Variants in ALK observed in about 807,000 individuals in gnomAD.
ALK encodes ALK receptor tyrosine kinase, also known as ALK tyrosine kinase receptor.
In ALK, 74 loss-of-function variants were observed where a neutral mutation model predicts 163.1. That is an observed-to-expected ratio of 0.45 (90% CI 0.38 to 0.55). The LOEUF (loss-of-function observed/expected upper bound fraction) is 0.55. ALK is among the 20% of genes least tolerant of loss of function. The pLI, the probability that ALK is intolerant of heterozygous loss-of-function variation, is 0.00. For synonymous variants in ALK, 960 were observed against 843.2 expected, an observed-to-expected ratio of 1.14 and a Z score of -2.40; for missense variants, 2,063 against 2,105.3, an observed-to-expected ratio of 0.98 and a Z score of 0.39.
Position 29,919,909 on chromosome 2 carries a change from G to A in ALK, c.667+84C>T. 6 of 1,507,894 alleles carry A rather than the reference G, an allele frequency of 4.0e-6. No homozygotes were observed. The South Asian group carries it at 6.2e-5, about 16-fold the overall frequency. The allele number at this position is 1,507,894 out of a possible 1,614,324, so 93.4% of individuals were successfully genotyped here. A position where few individuals can be genotyped will look rare whatever the true frequency, so the allele number is the denominator to read the frequency against. ...CAGAGCTGAGGTTTTAGAAAGTGGGGTGGAAGTGAAGATTATTTAATGGTT... is the reference window on the plus strand; with the variant it reads ...CAGAGCTGAGGTTTTAGAAAGTGGGATGGAAGTGAAGATTATTTAATGGTT... On this transcript the variant is annotated intron_variant, in intron 1 of 28. Coordinates refer to ENST00000389048, the MANE Select transcript of ALK (RefSeq NM_004304.5).
At chr2:29,199,803 AATG>A (rs1669112878) in intron 26 of ALK, among the ~76,000 whole-genome samples, 1 of 152,182 alleles carries the variant, frequency 6.6e-6, no homozygotes, top group African/African-American at 2.4e-5. Context: ...ACCACTACCT[AATG>A]ATCAGCTTTT....
At chr2:29,717,170 T>G (rs867765325) in intron 2 of ALK, among the ~76,000 whole-genome samples, 1 of 11,660 alleles carries the variant, frequency 8.6e-5, no homozygotes, top group African/African-American at 1.7e-4. Context: ...AGACTCTGTC[T>G]CAAAAAAAAA....
chr2:29,837,601 T>C (rs1317183800), intron 1 of ALK, among the ~76,000 whole-genome samples: 2 of 152,228 alleles, frequency 1.3e-5, no homozygotes, highest in Non-Finnish European at 2.9e-5. Flanking sequence ...AGAAAGTCCA[T>C]GCTTAGGAGT....
At chr2:29,753,781 C>T (rs1472584209) in intron 1 of ALK, among the ~76,000 whole-genome samples, 1 of 152,162 alleles carries the variant, frequency 6.6e-6, no homozygotes, top group Non-Finnish European at 1.5e-5. Flanking sequence ...TGACAGACTC[C>T]AAGAAACTTT....
chr2:29,643,430 T>A (rs1452203152), intron 3 of ALK, among the ~76,000 whole-genome samples: 11 of 152,188 alleles, frequency 7.2e-5, no homozygotes, highest in Non-Finnish European at 1.6e-4. Context: ...GTCTAAGAAA[T>A]TTGATCTTTA....
chr2:29,288,957 AATAAAT>A (rs1263552843), intron 9 of ALK, among the ~76,000 whole-genome samples: 2 of 25,024 alleles, frequency 8.0e-5, no homozygotes, highest in Non-Finnish European at 3.1e-4. Flanking sequence ...TTCTCAAAAA[AATAAAT>A]AAATAAATAA....
chr2:29,640,572 A>G (rs1290699521), intron 3 of ALK, among the ~76,000 whole-genome samples: 1 of 152,164 alleles, frequency 6.6e-6, no homozygotes, highest in Admixed American at 6.5e-5. Flanking sequence ...GACAGGCCAC[A>G]TTCCTGTACA....
intron 3 of ALK, among the ~76,000 whole-genome samples, chr2:29,671,730 G>A (rs909809992): frequency 6.6e-6 from 1 of 151,996 alleles, no homozygotes; most frequent in African/African-American, 2.4e-5. Flanking sequence ...CCTGGGACCT[G>A]TCTGATCCTC....
At chr2:29,593,526 C>T (rs185419556) in intron 3 of ALK, among the ~76,000 whole-genome samples, 33 of 152,318 alleles carry the variant, frequency 2.2e-4, no homozygotes, top group Admixed American at 4.6e-4. Flanking sequence ...TCCTAAGGAC[C>T]TACAGGAGGT....
intron 5 of ALK, among the ~76,000 whole-genome samples, chr2:29,377,682 A>C (rs1023676725): frequency 1.3e-5 from 2 of 152,162 alleles, no homozygotes; most frequent in African/African-American, 4.8e-5. Flanking sequence ...GGCTCTAGAA[A>C]AGGTTTGAAG....
intron 28 of ALK, among the ~76,000 whole-genome samples, chr2:29,194,654 A>AC (rs796664002): frequency 0.011 from 488 of 46,162 alleles, 3 homozygotes; most frequent in African/African-American, 0.036. Context: ...CATGCACCCC[A>AC]CCCCCCCACC....
chr2:29,625,128 G>C (rs918241087), intron 3 of ALK, among the ~76,000 whole-genome samples: 1 of 152,196 alleles, frequency 6.6e-6, no homozygotes, highest in African/African-American at 2.4e-5. Context: ...TCAAGGAAGA[G>C]CATCTGTAGC....
At chr2:29,612,080 C>T (rs1033589655) in intron 3 of ALK, among the ~76,000 whole-genome samples, 25 of 152,086 alleles carry the variant, frequency 1.6e-4, no homozygotes, top group African/African-American at 5.6e-4. Flanking sequence ...TGGAAGTGGC[C>T]GACTTGGGAC....
Position 29,292,049 on chromosome 2 carries a change from AAC to A in ALK, c.1817+4837_1817+4838del, listed in dbSNP as rs200241092. Among the ~76,000 whole-genome samples, 162 of 152,364 alleles carry A rather than the reference AAC, an allele frequency of 1.1e-3. 4 individuals are homozygous for A. The East Asian group carries it at 0.027, about 25-fold the overall frequency. On this transcript the variant is annotated intron_variant, in intron 9 of 28. Coordinates refer to ENST00000389048, the MANE Select transcript of ALK (RefSeq NM_004304.5). ...TCTCATTTGAAAGATGCATTGGTGA[AAC>A]ACACCACTTGTCGTTTAGGACAAAG...
intron 1 of ALK, among the ~76,000 whole-genome samples, chr2:29,726,605 GATGTTTCAA>G (rs1042294250): frequency 6.6e-6 from 1 of 152,196 alleles, no homozygotes; most frequent in African/African-American, 2.4e-5. Context: ...CTCTTGACCT[GATGTTTCAA>G]GTTGGGAAGT....
At chr2:29,848,091 C>A (rs528488976) in intron 1 of ALK, among the ~76,000 whole-genome samples, 1 of 152,050 alleles carries the variant, frequency 6.6e-6, no homozygotes, top group African/African-American at 2.4e-5. Context: ...AGGCTCGGTA[C>A]GCAGCTGCCA....
intron 4 of ALK, among the ~76,000 whole-genome samples, chr2:29,496,821 T>C (rs1672036011): frequency 6.6e-6 from 1 of 152,178 alleles, no homozygotes; most frequent in Admixed American, 6.5e-5. Context: ...CAAGCAACCA[T>C]TGCCAACCAA....
chr2:29,779,085 G>A (rs1327127520), intron 1 of ALK, among the ~76,000 whole-genome samples: 1 of 152,118 alleles, frequency 6.6e-6, no homozygotes, highest in Non-Finnish European at 1.5e-5. Context: ...GAACCTGGGA[G>A]GCGGAGCTTG....
At chr2:29,425,855 T>G (rs745641071) in intron 4 of ALK, among the ~76,000 whole-genome samples, 1 of 152,232 alleles carries the variant, frequency 6.6e-6, no homozygotes. Flanking sequence ...GAGAGGAGAC[T>G]GGCAGTTTCA....
Sources: allele counts gnomAD v4.1 joint callset (sites outside exome capture counted in the v4.1 genomes callset), GRCh38; gene constraint gnomAD v4.1.1; transcripts MANE v1.5; gene names NCBI Gene and HGNC (gene_info 2026-07-23, HGNC 2026-07-21).